The following WBP4 variants were observed in gnomAD, a reference collection of about 807,000 sequenced individuals.
WBP4 encodes WW domain binding protein 4.
WBP4 carries 37 observed loss-of-function variants against 55.4 expected under a neutral mutation model. That is an observed-to-expected ratio of 0.67 (90% CI 0.51 to 0.88). The LOEUF is 0.88. Ranked by LOEUF, WBP4 falls within the 40% of genes least tolerant of loss-of-function variation. The probability of loss-of-function intolerance (pLI) is 0.00; values close to 1 mark genes in which losing one functional copy is unlikely to be tolerated. For missense variants in WBP4, 398 were observed against 420.8 expected, an observed-to-expected ratio of 0.95 and a Z score of 0.47; for synonymous variants, 142 against 140.2, an observed-to-expected ratio of 1.01 and a Z score of -0.09.
At chr13:41,073,482 C>T (rs1042177883) in intron 7 of WBP4, among the ~76,000 whole-genome samples, 3 of 150,568 alleles carry the variant, frequency 2.0e-5, no homozygotes, top group African/African-American at 7.3e-5. Flanking sequence ...CATTGCACTC[C>T]AGCCTGGGCA....
chr13:41,077,148 G>A (rs1474387702), intron 8 of WBP4, among the ~76,000 whole-genome samples: 1 of 152,132 alleles, frequency 6.6e-6, no homozygotes, highest in Non-Finnish European at 1.5e-5. Flanking sequence ...TTATTCCAGG[G>A]ATGAAAGGAT....
intron 9 of WBP4, among the ~76,000 whole-genome samples, chr13:41,081,889 A>G (rs1369038088): frequency 6.6e-6 from 1 of 152,222 alleles, no homozygotes; most frequent in Non-Finnish European, 1.5e-5. Context: ...GTGTTTTTCA[A>G]CAGGTTTTAC....
rs1858324821 is a variant in WBP4 at position 41,061,521 on chromosome 13, A to G, written c.-153A>G. On this transcript the variant is annotated 5_prime_UTR_variant, in exon 1 of 10. Coordinates refer to ENST00000379487, the MANE Select transcript of WBP4 (RefSeq NM_007187.5). ...CGTCTGGGCACCCGTAGTTGGGAAC[A>G]GCGGAACGCTGGTCCCGGGGACTGA... is the stretch of plus-strand genomic sequence containing the variant. The G allele has an allele frequency of 5.7e-6, 7 of 1,232,776 alleles. No individual in the cohort carries two copies. The highest frequency in any genetic ancestry group is 2.0e-5 in the Admixed American group (1 of 49,636). The allele number at this position is 1,232,776 out of a possible 1,614,324, so 76.4% of individuals were successfully genotyped here.
At chr13:41,076,536 G>A (rs1217924737) in intron 8 of WBP4, among the ~76,000 whole-genome samples, 3 of 151,916 alleles carry the variant, frequency 2.0e-5, no homozygotes, top group South Asian at 2.1e-4. Flanking sequence ...TTGCCTCGGC[G>A]TCCCAAAGTG....
rs763807182 is a variant in WBP4 at position 41,068,730 on chromosome 13, C to T, written c.432C>T (p.Ile144=). The T allele has an allele frequency of 1.9e-6, 3 of 1,587,456 alleles. No individual in the cohort carries two copies. In the Admixed American group the frequency reaches 5.4e-5, roughly 28 times the overall value. The change falls in exon 5 of 10, where the codon ATC becomes ATT. Residue 144 remains isoleucine, a synonymous_variant. Transcript: ENST00000379487. ...GTTACCATTACTATTATGATCTTATCTCAGGAGGTAAGTCATTTAGGCATA... is the reference window on the plus strand; with the variant it reads ...GTTACCATTACTATTATGATCTTATTTCAGGAGGTAAGTCATTTAGGCATA... ...SEGYHYYYDL[I]SGASQWEKPE...
At position 41,062,653 on chromosome 13, in the gene WBP4, C is replaced by T; in HGVS notation, c.12C>T (p.Tyr4=). The T allele has an allele frequency of 6.2e-7, 1 of 1,613,774 alleles. No homozygotes were observed. Among genetic ancestry groups the T allele is most frequent in the East Asian group, 2.2e-5 (1 of 44,844 alleles). ...TGTCTCTCTTTTTCAGGGCGGACTA[C>T]TGGAAGTCACAGCCAAAGAAATTCT... MAD[Y]WKSQPKKFCD... is the part of the protein sequence containing the mutation. The change falls in exon 2 of 10, where the codon TAC becomes TAT. Residue 4 remains tyrosine, a synonymous_variant. Transcript: ENST00000379487.
chr13:41,076,269 A>AAAT, intron 8 of WBP4, 32 bp downstream of exon 8: 8 of 677,808 alleles, frequency 1.2e-5, no homozygotes, highest in African/African-American at 3.5e-5. Flanking sequence ...TTCACATCAA[A>AAAT]TTTTTTTTTT....
chr13:41,079,137 G>C (rs1278277290), intron 8 of WBP4, among the ~76,000 whole-genome samples: 1 of 152,124 alleles, frequency 6.6e-6, no homozygotes, highest in Admixed American at 6.5e-5. Context: ...GGGGGAAAAG[G>C]ACATGAACAG....
At chr13:41,063,948 G>A (rs1446764440) in intron 2 of WBP4, among the ~76,000 whole-genome samples, 1 of 151,878 alleles carries the variant, frequency 6.6e-6, no homozygotes, top group Admixed American at 6.6e-5. Context: ...ATTTCTTACT[G>A]CATTTAACTA....
intron 8 of WBP4, among the ~76,000 whole-genome samples, chr13:41,078,323 C>A (rs1593433489): frequency 6.6e-6 from 1 of 152,018 alleles, no homozygotes; most frequent in African/African-American, 2.4e-5. Context: ...AATAGAGAAC[C>A]CAGAAATAAA....
At chr13:41,070,549 T>C (rs931562979) in intron 5 of WBP4, among the ~76,000 whole-genome samples, 1 of 151,640 alleles carries the variant, frequency 6.6e-6, no homozygotes, top group African/African-American at 2.4e-5. Context: ...AAAATAAGTT[T>C]AATGGGGACA....
In WBP4 at chr13:41,083,465, T is replaced by C. The variant is rs1878876576; in HGVS notation, c.*551T>C. ...GCTCAGGTACTTCAGATGTGCTTAA[T>C]ATGGAGTGAAAACTGGACCAGAGGT... On this transcript the variant is annotated 3_prime_UTR_variant, in exon 10 of 10. Coordinates refer to ENST00000379487, the MANE Select transcript of WBP4 (RefSeq NM_007187.5). 2.6e-5 allele frequency: 4 copies of C among 153,364 alleles called. No individual in the cohort carries two copies. In the South Asian group the frequency reaches 8.1e-4, roughly 31 times the overall value. 9.5% of individuals were successfully genotyped at this position (153,364 alleles called of 1,614,324 possible). A position where few individuals can be genotyped will look rare whatever the true frequency, so the allele number is the denominator to read the frequency against.
At position 41,064,915 on chromosome 13, in the gene WBP4, T is replaced by G. The variant is rs943785313; in HGVS notation, c.76-101T>G. 9.9e-6 allele frequency: 11 copies of G among 1,116,160 alleles called. No homozygotes were observed. The African/African-American group carries it at 1.8e-4, about 18-fold the overall frequency. 69.1% of individuals were successfully genotyped at this position (1,116,160 alleles called of 1,614,324 possible). A position where few individuals can be genotyped will look rare whatever the true frequency, so the allele number is the denominator to read the frequency against. Reference sequence around the variant, plus strand: ...GTTTTCATCTTTTCTGCCATTCATTTTAATTTTAATTTTCTCATGTTTATG... The same window carrying G: ...GTTTTCATCTTTTCTGCCATTCATTGTAATTTTAATTTTCTCATGTTTATG... On this transcript the variant is annotated intron_variant, in intron 2 of 9. Coordinates refer to ENST00000379487, the MANE Select transcript of WBP4 (RefSeq NM_007187.5).
intron 8 of WBP4, among the ~76,000 whole-genome samples, chr13:41,078,044 T>C (rs1266112758): frequency 1.3e-5 from 2 of 152,134 alleles, no homozygotes; most frequent in African/African-American, 4.8e-5. Flanking sequence ...GAAGAATCAA[T>C]ATCACTAAAA....
At chr13:41,063,016 C>T (rs1877771036) in intron 2 of WBP4, among the ~76,000 whole-genome samples, 1 of 152,116 alleles carries the variant, frequency 6.6e-6, no homozygotes, top group Non-Finnish European at 1.5e-5. Context: ...GTTCATAATA[C>T]TGTCATACCC....
intron 4 of WBP4, among the ~76,000 whole-genome samples, chr13:41,067,573 C>T (rs2138464615): frequency 6.6e-6 from 1 of 152,204 alleles, no homozygotes; most frequent in Non-Finnish European, 1.5e-5. Context: ...GTAGTCCCAG[C>T]TACTTGGGAT....
intron 2 of WBP4, among the ~76,000 whole-genome samples, chr13:41,063,620 A>G (rs1877812285): frequency 6.6e-6 from 1 of 152,190 alleles, no homozygotes; most frequent in African/African-American, 2.4e-5. Flanking sequence ...CCTAGGCTGT[A>G]AAATGAATTT....
rs775915901 is a variant in WBP4, at chr13:41,080,741, A to G, written c.852A>G (p.Lys284=). Residue 284 remains lysine (K), a synonymous_variant, in exon 9 of 10, where the codon AAA becomes AAG. Coordinates refer to ENST00000379487, the MANE Select transcript of WBP4 (RefSeq NM_007187.5). ...ATTCATTAGGTTCAAATGAAGAAAA[A>G]TCGAAAACTCTTAAGAAATCAAACC... ...KQNSLGSNEE[K]SKTLKKSNPY... 13 of 1,607,954 alleles carry G rather than the reference A, an allele frequency of 8.1e-6. No individual in the cohort carries two copies. Among genetic ancestry groups the G allele is most frequent in the Non-Finnish European group, 1.1e-5 (13 of 1,178,750 alleles).
At chr13:41,068,413 A>G (rs1250365170) in intron 4 of WBP4, 148 bp from the exon 5 acceptor site, 1 of 693,382 alleles carries the variant, frequency 1.4e-6, no homozygotes, top group Non-Finnish European at 2.1e-6. Flanking sequence ...TTACATGTTT[A>G]TTTTTCCGAA....
Sources: gnomAD v4.1 joint callset for allele counts (sites outside exome capture counted in the v4.1 genomes callset) on GRCh38, gnomAD v4.1.1 for gene constraint, MANE v1.5 for transcripts, NCBI Gene and HGNC (gene_info 2026-07-23, HGNC 2026-07-21) for gene names.